Variants in COL11A2 observed in about 807,000 individuals in gnomAD.
The protein encoded by COL11A2 is collagen alpha-2(XI) chain.
Under a neutral mutation model 273.4 loss-of-function variants are expected in COL11A2, and 116 were observed. That is an observed-to-expected ratio of 0.42 (90% CI 0.36 to 0.49). The LOEUF (loss-of-function observed/expected upper bound fraction) is 0.49, where lower values mean the gene tolerates loss of function less well. COL11A2 is among the 20% of genes least tolerant of loss of function. COL11A2 has a pLI of 0.00. For missense variants in COL11A2, 1,866 were observed against 2,309.0 expected (o/e 0.81, Z 3.93); for synonymous variants, 782 against 864.2 (o/e 0.90, Z 1.67).
chr6:33,173,048 G>A lies in COL11A2; in HGVS notation c.2790+12C>T. The A allele has an allele frequency of 3.1e-6, 5 of 1,612,334 alleles. No homozygotes were observed. Among genetic ancestry groups the A allele is most frequent in the South Asian group, 1.1e-5 (1 of 90,950 alleles). ...GGGTCAGGGGTCCATTCTCTCCTAG[G>A]GACAAACCTACCTGAGGTCCCACCA... is the stretch of plus-strand genomic sequence containing the variant. On this transcript the variant is annotated intron_variant, in intron 38 of 65. Transcript: ENST00000341947. This position sits in a 1 kb window ranked among gnomAD's most constrained non-coding sequence, Gnocchi z 6.3.
In COL11A2 at chr6:33,167,482, C is replaced by A. The variant is rs764870047; in HGVS notation, c.4066G>T (p.Ala1356Ser). The part of the protein sequence containing the change: ...APGKTGPVGP[A>S]GPAGKPGPDG... ...GGGCCAGGTTTCCCTGCTGGGCCTGCAGGACCCACCGGGCCTGTCTTCCCC... is the reference window on the plus strand; with the variant it reads ...GGGCCAGGTTTCCCTGCTGGGCCTGAAGGACCCACCGGGCCTGTCTTCCCC... The change falls in exon 56 of 66, where the codon GCA (alanine) becomes TCA (serine). Residue 1356 changes from alanine to serine, a missense_variant. Coordinates refer to ENST00000341947, the MANE Select transcript of COL11A2 (RefSeq NM_080680.3). The surrounding 1 kb of genome is among the most constrained non-coding windows in gnomAD (Gnocchi z 6.1). 3 of 1,612,900 alleles carry A rather than the reference C, an allele frequency of 1.9e-6. No homozygotes were observed. The highest frequency in any genetic ancestry group is 2.2e-5 in the East Asian group (1 of 44,884).
intron 1 of COL11A2, among the ~76,000 whole-genome samples, chr6:33,191,456 GA>G (rs1366881127): frequency 6.6e-6 from 1 of 152,220 alleles, no homozygotes; most frequent in Non-Finnish European, 1.5e-5. Flanking sequence ...GAAAAAGAAG[GA>G]AAAGATCAGG....
rs776950245 is a variant in COL11A2, at chr6:33,176,350, T to G, written c.2170-47A>C. 1.2e-6 allele frequency: 2 copies of G among 1,600,564 alleles called. No individual in the cohort carries two copies. Among genetic ancestry groups the G allele is most frequent in the Admixed American group, 3.5e-5 (2 of 57,884 alleles). ...AAGTAGACTGATCAGGGGATGGAGGTGGGTTGGAAGGACCAAGCTCCTAAG... is the reference window on the plus strand; with the variant it reads ...AAGTAGACTGATCAGGGGATGGAGGGGGGTTGGAAGGACCAAGCTCCTAAG... On this transcript the variant is annotated intron_variant, in intron 27 of 65. Coordinates refer to ENST00000341947, the MANE Select transcript of COL11A2 (RefSeq NM_080680.3). This position sits in a 1 kb window ranked among gnomAD's most constrained non-coding sequence, Gnocchi z 4.9.
intron 4 of COL11A2, 68 bp from the exon 5 acceptor site, chr6:33,186,886 A>G: frequency 6.2e-7 from 1 of 1,603,774 alleles, no homozygotes; most frequent in South Asian, 1.1e-5. Flanking sequence ...TCCGGGAGAA[A>G]GAGTATAGGA....
At position 33,173,738 on chromosome 6, in the gene COL11A2, G is replaced by T. The variant is rs373490721; in HGVS notation, c.2591C>A (p.Ser864Tyr). The T allele has an allele frequency of 8.4e-5, 134 of 1,590,016 alleles. No homozygotes were observed. Among genetic ancestry groups the T allele is most frequent in the Non-Finnish European group, 1.1e-4 (127 of 1,166,002 alleles). The change falls in exon 35 of 66, where the codon TCT (serine) becomes TAT (tyrosine). Residue 864 changes from serine (S) to tyrosine (Y), a missense_variant. Physicochemically the swap from Ser to Tyr is moderately radical, Grantham distance 144. Transcript: ENST00000341947. This position sits in a 1 kb window ranked among gnomAD's most constrained non-coding sequence, Gnocchi z 6.3. The stretch of plus-strand genomic sequence containing the variant: ...GGGCCCATGGGGGCCATCACCACCA[G>T]ATGTTCCCTGTGGGGGGAAACAGAG... ...ATGKSGAKGT[S>Y]GGDGPHGPPG...
In COL11A2 at chr6:33,173,698, C is replaced by T. The variant is rs970901; in HGVS notation, c.2628+3G>A. ...GGGAAGGGGACTTTCGATCCACACT[C>T]ACCCTCTCTCCAGGGGGCCCATGGG... is the stretch of plus-strand genomic sequence containing the variant. On this transcript the variant is annotated splice_donor_region_variant and intron_variant, in intron 35 of 65. Coordinates refer to ENST00000341947, the MANE Select transcript of COL11A2 (RefSeq NM_080680.3). The surrounding 1 kb of genome is among the most constrained non-coding windows in gnomAD (Gnocchi z 6.3). The T allele has an allele frequency of 0.57, 886,656 of 1,565,514 alleles. 254,710 individuals are homozygous for T. The highest frequency in any genetic ancestry group is 0.83 in the East Asian group (36,641 of 44,278).
intron 30 of COL11A2, among the ~76,000 whole-genome samples, chr6:33,175,191 C>T (rs57114235): frequency 0.024 from 3,696 of 152,290 alleles, 116 homozygotes; most frequent in African/African-American, 0.068. Flanking sequence ...ATAGATAGGA[C>T]GCATCAGCAC....
rs1365472568 is a variant in COL11A2, at chr6:33,178,822, C to T, written c.1666-90G>A. On this transcript the variant is annotated intron_variant, in intron 17 of 65. Transcript: ENST00000341947. This position sits in a 1 kb window ranked among gnomAD's most constrained non-coding sequence, Gnocchi z 4.6. ...CACCCTGAGCTGGGGGGGTGCTGAT[C>T]CTGGGGAAGCCTGGAGAACTAGGTC... 4 of 1,606,690 alleles carry T rather than the reference C, an allele frequency of 2.5e-6. No homozygotes were observed. Among genetic ancestry groups the T allele is most frequent in the East Asian group, 4.5e-5 (2 of 44,832 alleles).
rs371538774 is a variant in COL11A2 at position 33,166,698 on chromosome 6, C to T, written c.4338+22G>A. 17 of 1,613,638 alleles carry T rather than the reference C, an allele frequency of 1.1e-5. No homozygotes were observed. Among genetic ancestry groups the T allele is most frequent in the Admixed American group, 5.0e-5 (3 of 59,984 alleles). On this transcript the variant is annotated intron_variant, in intron 59 of 65. Transcript: ENST00000341947. This position sits in a 1 kb window ranked among gnomAD's most constrained non-coding sequence, Gnocchi z 4.8. ...CCCCACTCTCAACCCCCACAACTTC[C>T]GGGACCATGCCCTCTACTCACCATC...
chr6:33,177,409 C>T lies in COL11A2; in HGVS notation c.1971+3G>A, dbSNP rs1269870565. The T allele has an allele frequency of 6.2e-7, 1 of 1,612,882 alleles. No homozygotes were observed. The highest frequency in any genetic ancestry group is 8.5e-7 in the Non-Finnish European group (1 of 1,179,926). On this transcript the variant is annotated splice_donor_region_variant and intron_variant, in intron 23 of 65. Transcript: ENST00000341947. The surrounding 1 kb of genome is among the most constrained non-coding windows in gnomAD (Gnocchi z 5.9). ...TGGGGAACGGAGTAGGGGCACCGCT[C>T]ACCTGGGTCCCAGGGGTGCCCTGTT...
At position 33,169,999 on chromosome 6, in the gene COL11A2, C is replaced by A. The variant is rs755313440; in HGVS notation, c.3636+48G>T. The A allele has an allele frequency of 6.2e-7, 1 of 1,612,648 alleles. No homozygotes were observed. The highest frequency in any genetic ancestry group is 8.5e-7 in the Non-Finnish European group (1 of 1,179,202). On this transcript the variant is annotated intron_variant, in intron 49 of 65. Transcript: ENST00000341947. This position sits in a 1 kb window ranked among gnomAD's most constrained non-coding sequence, Gnocchi z 5.5. ...ACCCAAAATTGGCAGAAATCCAACT[C>A]CCATCCCCCACTTCCATGACTGGTC...
rs766136290 is a variant in COL11A2, at chr6:33,185,703, G to A, written c.874C>T (p.Gln292Ter). 1.5e-6 allele frequency: 2 copies of A among 1,354,200 alleles called. No homozygotes were observed. Among genetic ancestry groups the A allele is most frequent in the Admixed American group, 3.8e-5 (2 of 52,550 alleles). 83.9% of individuals were successfully genotyped at this position (1,354,200 alleles called of 1,614,324 possible). A position where few individuals can be genotyped will look rare whatever the true frequency, so the allele number is the denominator to read the frequency against. Residue 292 changes from glutamine (Q) to a stop codon, truncating the protein, a stop_gained and splice_region_variant, in exon 6 of 66, where the codon CAG (glutamine) becomes TAG (stop). Coordinates refer to ENST00000341947, the MANE Select transcript of COL11A2 (RefSeq NM_080680.3). LOFTEE classifies it high-confidence loss of function. ...VMTTGTTPDY[Q>*]DPTPGEEEEI... Reference sequence around the variant, plus strand: ...ATGAAGGGGTCCCTTGAGTTTACCTGATAATCAGGGGTTGTCCCCGTAGTC... The same window carrying A: ...ATGAAGGGGTCCCTTGAGTTTACCTAATAATCAGGGGTTGTCCCCGTAGTC...
In COL11A2 at chr6:33,164,746, C is replaced by T. The variant is rs1465817611; in HGVS notation, c.4863+106G>A. On this transcript the variant is annotated intron_variant, in intron 64 of 65. Transcript: ENST00000341947. The surrounding 1 kb of genome is among the most constrained non-coding windows in gnomAD (Gnocchi z 4.7). The stretch of plus-strand genomic sequence containing the variant: ...GAAGTGGAGAAGGGGTGGCAGGCTC[C>T]GGGGGGGGCAACAGCCAGGGGACTG... 22 of 919,188 alleles carry T rather than the reference C, an allele frequency of 2.4e-5. No individual in the cohort carries two copies. Among genetic ancestry groups the T allele is most frequent in the South Asian group, 3.0e-5 (2 of 66,662 alleles). 56.9% of individuals were successfully genotyped at this position (919,188 alleles called of 1,614,324 possible). A position where few individuals can be genotyped will look rare whatever the true frequency, so the allele number is the denominator to read the frequency against.
rs2254287 is a variant in COL11A2, at chr6:33,176,171, C to T, written c.2214+88G>A. ...TGGAAGCAGGGGCTCGGGAGCTGGA[C>T]GGCAGTGCGGGGCAGGCTGGAGGGA... On this transcript the variant is annotated intron_variant, in intron 28 of 65. Coordinates refer to ENST00000341947, the MANE Select transcript of COL11A2 (RefSeq NM_080680.3). This position sits in a 1 kb window ranked among gnomAD's most constrained non-coding sequence, Gnocchi z 4.9. The T allele has an allele frequency of 4.4e-6, 7 of 1,603,970 alleles. No individual in the cohort carries two copies. The highest frequency in any genetic ancestry group is 6.0e-6 in the Non-Finnish European group (7 of 1,172,222).
chr6:33,192,510 GC>G, upstream of COL11A2: 1 of 405,190 alleles, frequency 2.5e-6, no homozygotes, highest in Non-Finnish European at 4.1e-6. Flanking sequence ...CCTCGCCCCC[GC>G]CCCCGGCCCG....
rs1768914051 is a variant in COL11A2 at position 33,165,037 on chromosome 6, C to T, written c.4751-73G>A. On this transcript the variant is annotated intron_variant, in intron 63 of 65. Coordinates refer to ENST00000341947, the MANE Select transcript of COL11A2 (RefSeq NM_080680.3). This position sits in a 1 kb window ranked among gnomAD's most constrained non-coding sequence, Gnocchi z 7.7. ...CCAAGATGCTCTTTGCCCCCACATT[C>T]CCTCTTCCCTCCCAGCCCTCCCCAT... 1 of 1,137,156 alleles carries T rather than the reference C, an allele frequency of 8.8e-7. No individual in the cohort carries two copies. Among genetic ancestry groups the T allele is most frequent in the Admixed American group, 2.0e-5 (1 of 50,110 alleles). 70.4% of individuals were successfully genotyped at this position (1,137,156 alleles called of 1,614,324 possible). A position where few individuals can be genotyped will look rare whatever the true frequency, so the allele number is the denominator to read the frequency against.
At chr6:33,191,303 A>C (rs984780911) in intron 1 of COL11A2, among the ~76,000 whole-genome samples, 1 of 152,246 alleles carries the variant, frequency 6.6e-6, no homozygotes, top group African/African-American at 2.4e-5. Context: ...AGCAGAGAAG[A>C]ATTGAATAGT....
upstream of COL11A2, among the ~76,000 whole-genome samples, chr6:33,193,218 G>A (rs1239907320): frequency 6.6e-6 from 1 of 152,010 alleles, no homozygotes; most frequent in Non-Finnish European, 1.5e-5. Flanking sequence ...AGCACGCAGC[G>A]CTCGGCGCCC....
rs1768834300 is a variant in COL11A2 at position 33,164,656 on chromosome 6, G to T, written c.4864-183C>A. Among the ~76,000 whole-genome samples the T allele has an allele frequency of 1.3e-5, 2 of 152,148 alleles. No homozygotes were observed. Among genetic ancestry groups the T allele is most frequent in the Non-Finnish European group, 2.9e-5 (2 of 68,024 alleles). On this transcript the variant is annotated intron_variant, in intron 64 of 65. Coordinates refer to ENST00000341947, the MANE Select transcript of COL11A2 (RefSeq NM_080680.3). This position sits in a 1 kb window ranked among gnomAD's most constrained non-coding sequence, Gnocchi z 4.7. ...GGGGCTGAGTGGGAGCCAGGAGACT[G>T]GGGGTACACGAAAGGCAAAGTGAGC...
Sources: allele counts gnomAD v4.1 joint callset (sites outside exome capture counted in the v4.1 genomes callset), GRCh38; gene constraint gnomAD v4.1.1; non-coding constraint Gnocchi (gnomAD v3.1); transcripts MANE v1.5; gene names NCBI Gene and HGNC (gene_info 2026-07-23, HGNC 2026-07-21).